The following AKAP9 variants were observed in gnomAD, a reference collection of about 807,000 sequenced individuals.
AKAP9 encodes the protein A-kinase anchor protein 9.
Under a neutral mutation model 488.5 loss-of-function variants are expected in AKAP9, and 311 were observed. That is an observed-to-expected ratio of 0.64 (90% CI 0.58 to 0.70). The LOEUF (loss-of-function observed/expected upper bound fraction) is 0.70. Ranked by LOEUF, AKAP9 falls within the 30% of genes least tolerant of loss-of-function variation. The pLI, the probability that AKAP9 is intolerant of heterozygous loss-of-function variation, is 0.00. For missense variants in AKAP9, 4,215 were observed against 4,374.5 expected, an observed-to-expected ratio of 0.96 and a Z score of 1.03; for synonymous variants, 1,462 against 1,483.5, an observed-to-expected ratio of 0.99 and a Z score of 0.33.
At position 91,941,048 on chromosome 7, in the gene AKAP9, A is replaced by C. The variant is rs202175026; in HGVS notation, c.-52A>C. The C allele has an allele frequency of 1.3e-5, 20 of 1,566,754 alleles. No homozygotes were observed. The highest frequency in any genetic ancestry group is 1.7e-5 in the Non-Finnish European group (19 of 1,137,008). ...CCGTCCAAATCGACCTTTCCTTTCT[A>C]TCCCCAACCACCCCTCAACCCCTGT... On this transcript the variant is annotated 5_prime_UTR_variant, in exon 1 of 50. Transcript: ENST00000356239.
chr7:92,052,702 G>C, intron 21 of AKAP9, 24 bp from the exon 22 acceptor site: 1 of 1,449,588 alleles, frequency 6.9e-7, no homozygotes, highest in East Asian at 2.3e-5. Context: ...ATTAATTTAT[G>C]CCTTTAAAAC....
At chr7:91,946,149 C>T (rs1376064008) in intron 1 of AKAP9, among the ~76,000 whole-genome samples, 1 of 152,300 alleles carries the variant, frequency 6.6e-6, no homozygotes, top group African/African-American at 2.4e-5. Flanking sequence ...TTTTCAGTTA[C>T]TGTTTCCACT....
intron 46 of AKAP9, 133 bp from the exon 47 acceptor site, chr7:92,105,545 T>G: frequency 1.4e-6 from 1 of 736,088 alleles, no homozygotes. Context: ...GGCATTGACA[T>G]AGTTTAACTG....
At chr7:92,006,703 T>A (rs886732271) in intron 8 of AKAP9, among the ~76,000 whole-genome samples, 1 of 152,174 alleles carries the variant, frequency 6.6e-6, no homozygotes, top group Admixed American at 6.5e-5. Context: ...ATATCTCTAA[T>A]ACACTTAGGT....
At chr7:91,995,344 G>C (rs1798257980) in intron 6 of AKAP9, among the ~76,000 whole-genome samples, 1 of 152,214 alleles carries the variant, frequency 6.6e-6, no homozygotes, top group Admixed American at 6.5e-5. Flanking sequence ...AATTCGGGAA[G>C]TACTGTCTTT....
intron 18 of AKAP9, 179 bp downstream of exon 18, chr7:92,041,077 C>G (rs1378534446): frequency 3.4e-6 from 2 of 582,388 alleles, no homozygotes; most frequent in Non-Finnish European, 6.0e-6. Context: ...TATACTAAGA[C>G]AGCAGCTTTA....
chr7:92,001,505 C>G lies in AKAP9; in HGVS notation c.1588C>G (p.Leu530Val), dbSNP rs559508511. The G allele has an allele frequency of 1.9e-6, 3 of 1,613,734 alleles. No homozygotes were observed. Among genetic ancestry groups the G allele is most frequent in the Non-Finnish European group, 8.5e-7 (1 of 1,179,872 alleles). Residue 530 changes from leucine (L) to valine (V), a missense_variant, in exon 8 of 50, where the codon CTT becomes GTT. This residue lies in a region of AKAP9 where 2,361 missense variants were observed against 2,430.0 expected (regional missense o/e 0.97). Transcript: ENST00000356239. ...AGAAAAGTGTGCTCTACAGAGACAG[C>G]TTGAAGACCTTGTTGAAGAATTGAG... is the stretch of plus-strand genomic sequence containing the variant. The part of the protein sequence containing the change: ...LEEKCALQRQ[L>V]EDLVEELSFS...
intron 30 of AKAP9, among the ~76,000 whole-genome samples, chr7:92,078,203 G>A (rs968001583): frequency 6.6e-5 from 10 of 151,918 alleles, no homozygotes; most frequent in African/African-American, 1.9e-4. Flanking sequence ...TCACCATGTT[G>A]ACCAGGCTGG....
At chr7:92,083,098 C>A in intron 32 of AKAP9, 72 bp from the exon 33 acceptor site, 1 of 1,548,264 alleles carries the variant, frequency 6.5e-7, no homozygotes. Flanking sequence ...TCCTCCCACA[C>A]CCTTTAAATT....
intron 3 of AKAP9, among the ~76,000 whole-genome samples, chr7:91,983,160 G>A (rs768494669): frequency 3.3e-5 from 5 of 151,758 alleles, no homozygotes; most frequent in Admixed American, 6.6e-5. Context: ...CCATTAACTC[G>A]TCATTTCATT....
intron 21 of AKAP9, 48 bp from the exon 22 acceptor site, chr7:92,052,678 T>C (rs904805262): frequency 7.7e-7 from 1 of 1,302,122 alleles, no homozygotes; most frequent in Admixed American, 2.1e-5. Flanking sequence ...CTTTAAAAAA[T>C]TATGATTATT....
intron 7 of AKAP9, among the ~76,000 whole-genome samples, chr7:91,997,292 A>G (rs1562953103): frequency 6.6e-6 from 1 of 152,218 alleles, no homozygotes; most frequent in Non-Finnish European, 1.5e-5. Context: ...ACCACAAAAC[A>G]GGGATAAGTG....
intron 14 of AKAP9, among the ~76,000 whole-genome samples, chr7:92,024,749 G>A (rs1275840454): frequency 2.6e-5 from 4 of 152,122 alleles, no homozygotes; most frequent in Admixed American, 1.3e-4. Context: ...CTCTGCTATT[G>A]TAGCGCGGAT....
At chr7:91,953,805 AC>A (rs1792583221) in intron 1 of AKAP9, among the ~76,000 whole-genome samples, 1 of 99,596 alleles carries the variant, frequency 1.0e-5, no homozygotes, top group Admixed American at 1.0e-4. Flanking sequence ...TTATTTCTTT[AC>A]CCCCCGCCCC....
At chr7:92,012,667 T>C in intron 9 of AKAP9, 25 bp downstream of exon 9, 1 of 1,519,126 alleles carries the variant, frequency 6.6e-7, no homozygotes, top group Non-Finnish European at 9.1e-7. Context: ...GACTTATAAG[T>C]ACCATGATCC....
chr7:92,072,320 G>T (rs76687807), intron 28 of AKAP9, among the ~76,000 whole-genome samples: 2,549 of 152,238 alleles, frequency 0.017, 67 homozygotes, highest in African/African-American at 0.057. Context: ...GATAAGGAGA[G>T]AAACGGTAAA....
chr7:92,060,422 G>A (rs1809568345), intron 22 of AKAP9, among the ~76,000 whole-genome samples: 1 of 152,012 alleles, frequency 6.6e-6, no homozygotes, highest in African/African-American at 2.4e-5. Flanking sequence ...CCATGTAATT[G>A]TTTCAGTAAT....
intron 5 of AKAP9, among the ~76,000 whole-genome samples, chr7:91,994,293 C>A (rs1197046064): frequency 1.3e-5 from 2 of 152,090 alleles, no homozygotes; most frequent in Admixed American, 6.6e-5. Flanking sequence ...TCAGTTTCAT[C>A]CTCTTCAGAA....
At position 91,948,605 on chromosome 7, in the gene AKAP9, CTTTTTTT is replaced by C. The variant is rs55928500; in HGVS notation, c.48+7475_48+7481del. On this transcript the variant is annotated intron_variant, in intron 1 of 49. Coordinates refer to ENST00000356239, the MANE Select transcript of AKAP9 (RefSeq NM_005751.5). ...GCACTTTTTGGCCACTTGTAGATTT[CTTTTTTT>C]TTTTTTTTTTTTTTTTGAGATGGAG... Among the ~76,000 whole-genome samples, 188 of 107,572 alleles carry C rather than the reference CTTTTTTT, an allele frequency of 1.7e-3. 1 individual carries two copies. Among genetic ancestry groups the C allele is most frequent in the Non-Finnish European group, 2.9e-3 (160 of 54,558 alleles). 70.6% of individuals were successfully genotyped at this position (107,572 alleles called of 152,430 possible).
Sources: gnomAD v4.1 joint callset for allele counts (sites outside exome capture counted in the v4.1 genomes callset) on GRCh38, gnomAD v4.1.1 for gene constraint, gnomAD v4.1.1 regional missense constraint, MANE v1.5 for transcripts, NCBI Gene and HGNC (gene_info 2026-07-23, HGNC 2026-07-21) for gene names.